The following ZGRF1 variants were observed in gnomAD, a reference collection of about 807,000 sequenced individuals.
ZGRF1 encodes 5'-3' DNA helicase ZGRF1.
In ZGRF1, 196 loss-of-function variants were observed where a neutral mutation model predicts 203.5. The ratio of observed to expected loss-of-function variants is 0.96; its 90% CI spans 0.86 to 1.08. ZGRF1 has a LOEUF of 1.08. Ranked by LOEUF, ZGRF1 falls within the 50% of genes least tolerant of loss-of-function variation. The probability of loss-of-function intolerance (pLI) is 0.00; values close to 1 mark genes in which losing one functional copy is unlikely to be tolerated. For missense variants in ZGRF1, 2,326 were observed against 2,416.3 expected (o/e 0.96, Z 0.78); for synonymous variants, 809 against 841.3 (o/e 0.96, Z 0.66).
At chr4:112,601,659 G>T (rs973564294) in intron 10 of ZGRF1, among the ~76,000 whole-genome samples, 27 of 151,264 alleles carry the variant, frequency 1.8e-4, no homozygotes, top group African/African-American at 6.6e-4. Context: ...GATTGCTTGA[G>T]TCCAAGAAGT....
intron 16 of ZGRF1, among the ~76,000 whole-genome samples, chr4:112,572,330 G>A (rs951382101): frequency 3.3e-5 from 5 of 152,140 alleles, no homozygotes; most frequent in African/African-American, 9.7e-5. Flanking sequence ...AAATGGTGCT[G>A]GGATAACTAG....
chr4:112,603,478 A>T (rs1750283407), intron 10 of ZGRF1, 46 bp downstream of exon 10: 1 of 1,390,942 alleles, frequency 7.2e-7, no homozygotes, highest in African/African-American at 1.4e-5. Flanking sequence ...TAGTATTAAC[A>T]TAAAGAAAAT....
chr4:112,547,221 AACACAC>A, intron 24 of ZGRF1, 58 bp downstream of exon 24: 1 of 1,410,752 alleles, frequency 7.1e-7, no homozygotes, highest in Non-Finnish European at 9.6e-7. Flanking sequence ...ATTCTCTATC[AACACAC>A]ACACACACAA....
At position 112,609,427 on chromosome 4, in the gene ZGRF1, T is replaced by G; in HGVS notation, c.2670A>C (p.Ile890=). The G allele has an allele frequency of 6.5e-7, 1 of 1,527,560 alleles. No homozygotes were observed. Among genetic ancestry groups the G allele is most frequent in the Non-Finnish European group, 9.0e-7 (1 of 1,109,038 alleles). The allele number at this position is 1,527,560 out of a possible 1,614,324, so 94.6% of individuals were successfully genotyped here. The change falls in exon 8 of 28, where the codon ATA becomes ATC. Residue 890 remains isoleucine (I), a splice_region_variant and synonymous_variant. Transcript: ENST00000505019. ...TTAGTTCAACTTCATCTTCTTTTAG[T>G]ATCTTAGGAATAGAATATTAATTTT... The part of the protein sequence containing the change: ...SPHLHKDSQQ[I]LKEDEVELSE...
Position 112,619,299 on chromosome 4 carries a change from T to A in ZGRF1, c.743A>T (p.Asn248Ile). Residue 248 changes from asparagine to isoleucine, a missense_variant, in exon 6 of 28, where the codon AAC (asparagine) becomes ATC (isoleucine). Transcript: ENST00000505019. Reference protein sequence around the residue: ...LASHYSGVSQNIRSKAQILAL... With the variant: ...LASHYSGVSQIIRSKAQILAL... ...TAATATCTGTGCTTTGCTTCTGATGTTTTGTGAAACTCCTGAATAGTGAGA... is the reference window on the plus strand; with the variant it reads ...TAATATCTGTGCTTTGCTTCTGATGATTTGTGAAACTCCTGAATAGTGAGA... The A allele has an allele frequency of 6.2e-7, 1 of 1,613,370 alleles. No individual in the cohort carries two copies. The highest frequency in any genetic ancestry group is 8.5e-7 in the Non-Finnish European group (1 of 1,179,882).
intron 24 of ZGRF1, among the ~76,000 whole-genome samples, chr4:112,546,042 G>A (rs991941750): frequency 1.5e-5 from 2 of 131,088 alleles, no homozygotes; most frequent in African/African-American, 5.6e-5. Context: ...GACAAGTGAT[G>A]GTTGTACAAC....
intron 3 of ZGRF1, among the ~76,000 whole-genome samples, chr4:112,625,598 A>AG (rs1191887349): frequency 1.3e-5 from 2 of 149,132 alleles, no homozygotes; most frequent in African/African-American, 4.9e-5. Flanking sequence ...AAAAAAAAAA[A>AG]AAAGAAAAGA....
intron 3 of ZGRF1, among the ~76,000 whole-genome samples, chr4:112,625,281 C>G (rs1313327816): frequency 2.7e-5 from 4 of 148,504 alleles, no homozygotes; most frequent in Admixed American, 6.7e-5. Flanking sequence ...AGAGCAAGAC[C>G]CTGTCTATTT....
At chr4:112,574,664 C>T (rs888214279) in intron 16 of ZGRF1, among the ~76,000 whole-genome samples, 2 of 152,134 alleles carry the variant, frequency 1.3e-5, no homozygotes, top group Non-Finnish European at 2.9e-5. Context: ...TATGTGAGGA[C>T]CAATGACTAA....
intron 16 of ZGRF1, among the ~76,000 whole-genome samples, chr4:112,569,067 G>A (rs1401821137): frequency 3.3e-5 from 5 of 152,124 alleles, no homozygotes; most frequent in African/African-American, 1.2e-4. Context: ...GTGAATACAA[G>A]ATGATAACTA....
intron 19 of ZGRF1, among the ~76,000 whole-genome samples, chr4:112,560,083 G>A (rs1207225382): frequency 6.6e-6 from 1 of 152,184 alleles, no homozygotes; most frequent in African/African-American, 2.4e-5. Flanking sequence ...GGGTGGATAT[G>A]ACATAATTCC....
At chr4:112,625,597 A>AG (rs1020146400) in intron 3 of ZGRF1, among the ~76,000 whole-genome samples, 12 of 147,892 alleles carry the variant, frequency 8.1e-5, no homozygotes, top group South Asian at 4.3e-4. Context: ...AAAAAAAAAA[A>AG]AAAAGAAAAG....
intron 1 of ZGRF1, among the ~76,000 whole-genome samples, chr4:112,633,799 T>C: frequency 6.6e-6 from 1 of 152,232 alleles, no homozygotes; most frequent in Non-Finnish European, 1.5e-5. Context: ...TCACTGATGG[T>C]GATCCCTGAA....
At chr4:112,595,438 C>A (rs919407735) in intron 10 of ZGRF1, among the ~76,000 whole-genome samples, 8 of 152,074 alleles carry the variant, frequency 5.3e-5, no homozygotes, top group Admixed American at 1.3e-4. Flanking sequence ...CTGTGCCCAA[C>A]ACAGCATAGT....
chr4:112,602,849 A>G (rs576803242), intron 10 of ZGRF1, among the ~76,000 whole-genome samples: 53 of 152,344 alleles, frequency 3.5e-4, no homozygotes, highest in African/African-American at 1.2e-3. Context: ...ATAGATGGTT[A>G]TAAGTCAAGA....
At chr4:112,609,476 AT>A in intron 7 of ZGRF1, 47 bp from the exon 8 acceptor site, 1 of 1,079,222 alleles carries the variant, frequency 9.3e-7, no homozygotes, top group Middle Eastern at 2.6e-4. Context: ...GGCAATAATA[AT>A]TTAGAAAACA....
chr4:112,631,010 C>T (rs2047392701), intron 3 of ZGRF1, among the ~76,000 whole-genome samples: 1 of 152,136 alleles, frequency 6.6e-6, no homozygotes, highest in Non-Finnish European at 1.5e-5. Flanking sequence ...GCAAGCTACT[C>T]CATCTCTCTG....
At chr4:112,557,165 A>ACTT (rs572748486) in intron 20 of ZGRF1, among the ~76,000 whole-genome samples, 1 of 150,004 alleles carries the variant, frequency 6.7e-6, no homozygotes, top group Non-Finnish European at 1.5e-5. Flanking sequence ...ATTTTAGCCT[A>ACTT]CTTCTTCTTC....
intron 20 of ZGRF1, 30 bp from the exon 21 acceptor site, chr4:112,554,812 AT>A: frequency 8.6e-7 from 1 of 1,165,844 alleles, no homozygotes; most frequent in Non-Finnish European, 1.2e-6. Context: ...ATAGATTCTG[AT>A]TATTTAGGAA....
Sources: allele counts gnomAD v4.1 joint callset (sites outside exome capture counted in the v4.1 genomes callset), GRCh38; gene constraint gnomAD v4.1.1; transcripts MANE v1.5; gene names NCBI Gene and HGNC (gene_info 2026-07-23, HGNC 2026-07-21).